The following NT5DC3 variants were observed in gnomAD, a reference collection of about 807,000 sequenced individuals.
The protein encoded by NT5DC3 is 5'-nucleotidase domain-containing protein 3.
Under a neutral mutation model 67.8 loss-of-function variants are expected in NT5DC3, and 42 were observed. The observed-to-expected ratio is 0.62, with a 90% CI of 0.48 to 0.80. The LOEUF (loss-of-function observed/expected upper bound fraction) is 0.80. NT5DC3 is among the 30% of genes least tolerant of loss of function. NT5DC3 has a pLI of 0.00. For synonymous variants in NT5DC3, 237 were observed against 255.6 expected (o/e 0.93, Z 0.69); for missense variants, 570 against 696.4 (o/e 0.82, Z 2.04).
the NT5DC3 span, chr12:103,758,044 G>A: frequency 2.2e-6 from 3 of 1,378,196 alleles, no homozygotes; most frequent in Non-Finnish European, 3.0e-6. Context: ...CAGCAAAGGA[G>A]CAGCAGGCTG....
chr12:103,781,791 G>A (rs531654175), intron 12 of NT5DC3, among the ~76,000 whole-genome samples: 2 of 152,252 alleles, frequency 1.3e-5, no homozygotes, highest in African/African-American at 2.4e-5. Flanking sequence ...TCTAGAGTGG[G>A]TACTTAACAT....
At chr12:103,748,360 C>T in the NT5DC3 span, among the ~76,000 whole-genome samples, 1 of 151,942 alleles carries the variant, frequency 6.6e-6, no homozygotes, top group Admixed American at 6.6e-5. Flanking sequence ...ATCGTTGGGT[C>T]GATATTTGGG....
the NT5DC3 span, chr12:103,755,423 C>T: frequency 6.2e-7 from 1 of 1,614,074 alleles, no homozygotes; most frequent in Non-Finnish European, 8.5e-7. Flanking sequence ...GGACCTAGAC[C>T]CAACAAGAGT....
At chr12:103,814,889 T>C (rs775076614) in intron 2 of NT5DC3, 48 bp downstream of exon 2, 1 of 1,468,760 alleles carries the variant, frequency 6.8e-7, no homozygotes, top group Non-Finnish European at 9.2e-7. Flanking sequence ...AAGGCTGTTC[T>C]AAGAGGAAAA....
the NT5DC3 span, among the ~76,000 whole-genome samples, chr12:103,760,924 A>C: frequency 6.6e-6 from 1 of 152,202 alleles, no homozygotes; most frequent in Admixed American, 6.5e-5. Context: ...ACACTGGGAC[A>C]TCACTTAAAA....
rs1027474273 is a variant in NT5DC3 at position 103,840,991 on chromosome 12, A to G, written c.166T>C (p.Tyr56His). The G allele has an allele frequency of 3.0e-6, 4 of 1,324,324 alleles. No homozygotes were observed. Among genetic ancestry groups the G allele is most frequent in the African/African-American group, 1.5e-5 (1 of 64,942 alleles). The allele number at this position is 1,324,324 out of a possible 1,614,324, so 82.0% of individuals were successfully genotyped here. A position where few individuals can be genotyped will look rare whatever the true frequency, so the allele number is the denominator to read the frequency against. The change falls in exon 1 of 14, where the codon TAC (tyrosine) becomes CAC (histidine). Residue 56 changes from tyrosine to histidine, a missense_variant. By Grantham distance (83) the Tyr-to-His change is moderately conservative (BLOSUM62 2). This residue lies in a region of NT5DC3 where 104 missense variants were observed against 88.4 expected (regional missense o/e 1.18). Coordinates refer to ENST00000392876, the MANE Select transcript of NT5DC3 (RefSeq NM_001031701.3). ...APGTAPDMKR[Y>H]LWERYREAKR... is the part of the protein sequence containing the mutation. Reference sequence around the variant, plus strand: ...GCCTCCCGGTAGCGCTCCCACAGGTAGCGCTTCATGTCCGGGGCGGTCCCG... The same window carrying G: ...GCCTCCCGGTAGCGCTCCCACAGGTGGCGCTTCATGTCCGGGGCGGTCCCG...
chr12:103,831,358 T>C (rs1887916486), intron 1 of NT5DC3, among the ~76,000 whole-genome samples: 1 of 152,136 alleles, frequency 6.6e-6, no homozygotes, highest in Non-Finnish European at 1.5e-5. Flanking sequence ...TGTGAGTCAA[T>C]TAAACCACTT....
At chr12:103,822,042 T>C (rs1244900710) in intron 1 of NT5DC3, 1 of 152,168 alleles carries the variant, frequency 6.6e-6, no homozygotes, top group African/African-American at 2.4e-5. Context: ...CAAAACACCA[T>C]GTGAGTCAGA....
intron 1 of NT5DC3, chr12:103,819,831 G>A (rs879682479): frequency 6.6e-6 from 1 of 152,212 alleles, no homozygotes; most frequent in Non-Finnish European, 1.5e-5. Flanking sequence ...GTGCAATTCA[G>A]TGGTATTAAG....
intron 4 of NT5DC3, among the ~76,000 whole-genome samples, chr12:103,804,285 A>C (rs1179676034): frequency 6.6e-6 from 1 of 152,190 alleles, no homozygotes; most frequent in African/African-American, 2.4e-5. Flanking sequence ...GAAGACAAAC[A>C]CTGGATGCAA....
intron 1 of NT5DC3, among the ~76,000 whole-genome samples, 186 bp downstream of exon 1, chr12:103,840,763 C>T (rs937070928): frequency 1.3e-5 from 2 of 152,126 alleles, no homozygotes; most frequent in Non-Finnish European, 2.9e-5. Flanking sequence ...GCGCATTTTT[C>T]CCCGTTTCCC....
intron 13 of NT5DC3, among the ~76,000 whole-genome samples, chr12:103,778,810 AAAG>A (rs1885435260): frequency 6.6e-6 from 1 of 150,716 alleles, no homozygotes; most frequent in South Asian, 2.1e-4. Flanking sequence ...TATCTCAAAA[AAAG>A]AAAAGAAAAG....
intron 2 of NT5DC3, among the ~76,000 whole-genome samples, chr12:103,810,826 C>T (rs1886997457): frequency 6.6e-6 from 1 of 152,196 alleles, no homozygotes; most frequent in African/African-American, 2.4e-5. Flanking sequence ...AGCTAGTAAC[C>T]TCTACGTTAC....
At chr12:103,835,968 A>T (rs966547108) in intron 1 of NT5DC3, among the ~76,000 whole-genome samples, 1 of 152,178 alleles carries the variant, frequency 6.6e-6, no homozygotes, top group African/African-American at 2.4e-5. Flanking sequence ...CAGCAACAGA[A>T]AAATGAAGCA....
At chr12:103,803,021 C>A (rs1408622126) in intron 4 of NT5DC3, among the ~76,000 whole-genome samples, 1 of 151,840 alleles carries the variant, frequency 6.6e-6, no homozygotes, top group Non-Finnish European at 1.5e-5. Flanking sequence ...CCCCAAGAAC[C>A]CAGGAGAGAA....
intron 1 of NT5DC3, among the ~76,000 whole-genome samples, chr12:103,831,380 T>C (rs918524548): frequency 6.6e-6 from 1 of 152,148 alleles, no homozygotes; most frequent in Non-Finnish European, 1.5e-5. Context: ...CTTTATAAAT[T>C]ACCCAGTCTC....
At chr12:103,833,509 A>G (rs1888017640) in intron 1 of NT5DC3, among the ~76,000 whole-genome samples, 1 of 152,172 alleles carries the variant, frequency 6.6e-6, no homozygotes, top group Admixed American at 6.5e-5. Context: ...AGCTTACATC[A>G]TCATGTAGAC....
Position 103,777,983 on chromosome 12 carries a change from T to A in NT5DC3, c.1493A>T (p.Asp498Val). ...YFLRRLSRFA[D>V]IYMASLSCLL... ...GCAGCTCAGAGACGCCATGTAGATG[T>A]CAGCGAAGCGCGACAGGCGCCTTAG... Residue 498 changes from aspartate (D) to valine (V), a missense_variant, in exon 14 of 14, where the codon GAC (aspartate) becomes GTC (valine). By Grantham distance (152) the Asp-to-Val change is radical (BLOSUM62 -3). Coordinates refer to ENST00000392876, the MANE Select transcript of NT5DC3 (RefSeq NM_001031701.3). The A allele has an allele frequency of 6.2e-7, 1 of 1,614,220 alleles. No individual in the cohort carries two copies. The highest frequency in any genetic ancestry group is 8.5e-7 in the Non-Finnish European group (1 of 1,180,044).
At chr12:103,786,091 C>A (rs187695217) in intron 11 of NT5DC3, among the ~76,000 whole-genome samples, 11 of 152,180 alleles carry the variant, frequency 7.2e-5, no homozygotes, top group African/African-American at 2.7e-4. Flanking sequence ...ATTTGCCAGG[C>A]CCTAAATACT....
Sources: gnomAD v4.1 joint callset for allele counts (sites outside exome capture counted in the v4.1 genomes callset) on GRCh38, gnomAD v4.1.1 for gene constraint, gnomAD v4.1.1 regional missense constraint, MANE v1.5 for transcripts, NCBI Gene and HGNC (gene_info 2026-07-23, HGNC 2026-07-21) for gene names.